The following BSCL2 variants were observed in gnomAD, a reference collection of about 807,000 sequenced individuals.
BSCL2 encodes the protein seipin.
Under a neutral mutation model 57.4 loss-of-function variants are expected in BSCL2, and 41 were observed. That is an observed-to-expected ratio of 0.71 (90% confidence interval 0.56 to 0.93). BSCL2 has a LOEUF of 0.93. BSCL2 is among the 40% of genes least tolerant of loss of function. BSCL2 has a pLI of 0.00. For synonymous variants in BSCL2, 237 were observed against 227.3 expected (o/e 1.04, Z -0.38); for missense variants, 539 against 586.7 (o/e 0.92, Z 0.84).
At chr11:62,706,770 C>T (rs560327966) in intron 1 of BSCL2, 109 of 545,118 alleles carry the variant, frequency 2.0e-4, no homozygotes, top group African/African-American at 1.9e-3. Flanking sequence ...GGGCCTCTTG[C>T]GTTGTTGCGC....
intron 2 of BSCL2, among the ~76,000 whole-genome samples, chr11:62,704,845 C>A (rs886931385): frequency 6.6e-6 from 1 of 152,144 alleles, no homozygotes. Flanking sequence ...AGTTTATGCG[C>A]CTACTCATCT....
At chr11:62,698,818 T>C (rs751902570) in intron 3 of BSCL2, among the ~76,000 whole-genome samples, 2 of 152,222 alleles carry the variant, frequency 1.3e-5, no homozygotes, top group Admixed American at 6.5e-5. Context: ...CTTCCCATTA[T>C]GATCTCTGCA....
upstream of BSCL2, chr11:62,709,063 C>G: frequency 2.0e-6 from 1 of 503,614 alleles, no homozygotes; most frequent in South Asian, 1.8e-5. Context: ...CCGTCAGACT[C>G]TGCCAGCGCG....
intron 6 of BSCL2, among the ~76,000 whole-genome samples, chr11:62,692,154 G>A (rs752143587): frequency 2.0e-5 from 3 of 152,082 alleles, no homozygotes; most frequent in Non-Finnish European, 4.4e-5. Flanking sequence ...GGATGATGGA[G>A]GGTTGGGGGG....
At chr11:62,694,776 C>T in intron 3 of BSCL2, 65 bp from the exon 4 acceptor site, 2 of 1,556,212 alleles carry the variant, frequency 1.3e-6, no homozygotes, top group Non-Finnish European at 8.7e-7. Flanking sequence ...GTCTCTATTC[C>T]ACCTCCCTCT....
At chr11:62,691,765 C>T (rs1318959853) in intron 6 of BSCL2, among the ~76,000 whole-genome samples, 1 of 152,106 alleles carries the variant, frequency 6.6e-6, no homozygotes, top group East Asian at 1.9e-4. Flanking sequence ...ACATTCTGCT[C>T]ACAGGCCGGA....
intron 3 of BSCL2, among the ~76,000 whole-genome samples, chr11:62,702,199 T>G (rs1317146441): frequency 6.6e-6 from 1 of 152,028 alleles, no homozygotes; most frequent in Non-Finnish European, 1.5e-5. Context: ...CCCAAGTAGC[T>G]GGGATTACAG....
rs1337416976 is a variant in BSCL2 at position 62,690,411 on chromosome 11, C to T, written c.1345G>A (p.Ala449Thr). The T allele has an allele frequency of 6.2e-7, 1 of 1,614,028 alleles. No individual in the cohort carries two copies. Among genetic ancestry groups the T allele is most frequent in the African/African-American group, 1.3e-5 (1 of 74,918 alleles). The stretch of plus-strand genomic sequence containing the variant: ...GGGCGCTGTCGGAGAGCACCCCCAG[C>T]AGGTTCAGAGCTGCCCAGAGTCTCT... ...VLETLGSSEP[A>T]GGALRQRPTC... Residue 449 changes from alanine to threonine, a missense_variant, in exon 11 of 11, where the codon GCT becomes ACT. By Grantham distance (58) the Ala-to-Thr change is moderately conservative. Around this residue, in one of 3 missense-constraint regions of BSCL2, gnomAD observed 248 missense variants for 239.9 expected, o/e 1.03. Coordinates refer to ENST00000360796, the MANE Select transcript of BSCL2 (RefSeq NM_001122955.4).
chr11:62,696,278 T>TGTGTGTGTGTGTGTGTGTGTGTG (rs371756427), intron 3 of BSCL2, among the ~76,000 whole-genome samples: 4 of 136,228 alleles, frequency 2.9e-5, no homozygotes, highest in Admixed American at 7.7e-5. Flanking sequence ...CATAAACTTT[T>TGTGTGTGTGTGTGTGTGTGTGTG]TGTGTGTGTG....
Position 62,702,541 on chromosome 11 carries a change from C to T in BSCL2, c.413G>A (p.Cys138Tyr). 6.2e-7 allele frequency: 1 copy of T among 1,611,654 alleles called. No individual in the cohort carries two copies. The highest frequency in any genetic ancestry group is 8.5e-7 in the Non-Finnish European group (1 of 1,178,286). ...GCAGAGTGAGGTGGTGGAGGAATCA[C>T]AGTCGGTCCTAAATGAGATTGGAGG... ...SPVHFYYRTD[C>Y]DSSTTSLCSF... Residue 138 changes from cysteine to tyrosine, a missense_variant, in exon 3 of 11, where the codon TGT (cysteine) becomes TAT (tyrosine). Coordinates refer to ENST00000360796, the MANE Select transcript of BSCL2 (RefSeq NM_001122955.4).
chr11:62,706,688 A>G (rs951229177), intron 1 of BSCL2: 1 of 480,434 alleles, frequency 2.1e-6, no homozygotes, highest in African/African-American at 2.0e-5. Context: ...TTTATCGCCC[A>G]CAGCTCCTAG....
In BSCL2 at chr11:62,690,746, C is replaced by G. The variant is rs747967927; in HGVS notation, c.1153+41G>C. 5 of 1,613,730 alleles carry G rather than the reference C, an allele frequency of 3.1e-6. No homozygotes were observed. In the South Asian group the frequency reaches 5.5e-5, roughly 18 times the overall value. On this transcript the variant is annotated intron_variant, in intron 9 of 10. Coordinates refer to ENST00000360796, the MANE Select transcript of BSCL2 (RefSeq NM_001122955.4). ...AGACCCAGACACTGAAGGAGAAAGC[C>G]AAGGAGTCAGGAAGGAGAGAGTGTG... is the stretch of plus-strand genomic sequence containing the variant.
upstream of BSCL2, chr11:62,708,955 C>T: frequency 1.5e-6 from 1 of 688,322 alleles, no homozygotes; most frequent in East Asian, 2.5e-5. Context: ...CAAGGCCCAC[C>T]CTCACCTATC....
intron 1 of BSCL2, 86 bp from the exon 2 acceptor site, chr11:62,705,703 C>A: frequency 2.4e-6 from 3 of 1,271,228 alleles, no homozygotes; most frequent in Non-Finnish European, 3.2e-6. Context: ...CTTTGAGGAA[C>A]GAGAGATAGC....
At chr11:62,707,581 G>T, upstream of BSCL2, 1 of 572,526 alleles carries the variant, frequency 1.7e-6, no homozygotes, top group Non-Finnish European at 3.1e-6. Flanking sequence ...GGGGCAGGCA[G>T]TGAACTAGCG....
chr11:62,707,714 G>C (rs958188006), upstream of BSCL2: 9 of 340,662 alleles, frequency 2.6e-5, no homozygotes, highest in Non-Finnish European at 5.1e-5. Flanking sequence ...CAGCCATCCA[G>C]ACAGTGCTTG....
At chr11:62,708,918 C>T (rs955447686), upstream of BSCL2, 2 of 808,846 alleles carry the variant, frequency 2.5e-6, no homozygotes, top group South Asian at 3.1e-5. Flanking sequence ...CTAACCCTTG[C>T]CTGACCATGT....
chr11:62,696,236 C>T (rs533558076), intron 3 of BSCL2, among the ~76,000 whole-genome samples: 1 of 151,284 alleles, frequency 6.6e-6, no homozygotes, highest in African/African-American at 2.4e-5. Context: ...TCCTACCCCC[C>T]TGTAGAGACC....
chr11:62,690,679 G>A lies in BSCL2; in HGVS notation c.1167C>T (p.Ser389=), dbSNP rs17850877. 41 of 1,613,816 alleles carry A rather than the reference G, an allele frequency of 2.5e-5. No homozygotes were observed. The highest frequency in any genetic ancestry group is 8.0e-5 in the African/African-American group (6 of 75,060). Residue 389 remains serine, a synonymous_variant, in exon 10 of 11, where the codon TCC becomes TCT. Transcript: ENST00000360796. ...EDPSGTEGQL[S]EEEKPDQQPL... ...GCTGCTGATCTGGTTTCTCCTCCTCGGACAGCTGACCCTCTGCAGCCAAAA... is the reference window on the plus strand; with the variant it reads ...GCTGCTGATCTGGTTTCTCCTCCTCAGACAGCTGACCCTCTGCAGCCAAAA...
Sources: allele counts gnomAD v4.1 joint callset (sites outside exome capture counted in the v4.1 genomes callset), GRCh38; gene constraint gnomAD v4.1.1; regional missense constraint gnomAD v4.1.1; transcripts MANE v1.5; gene names NCBI Gene and HGNC (gene_info 2026-07-23, HGNC 2026-07-21).